Variants in SNRNP70 observed in about 807,000 individuals in gnomAD.
SNRNP70 encodes small nuclear ribonucleoprotein U1 subunit 70, also known as U1 small nuclear ribonucleoprotein 70 kDa.
Under a neutral mutation model 50.5 loss-of-function variants are expected in SNRNP70, and 8 were observed. That is an observed-to-expected ratio of 0.16 (90% confidence interval 0.09 to 0.29). SNRNP70 has a LOEUF of 0.29. Among genes scored for constraint, SNRNP70 ranks in the 10% least tolerant of loss-of-function variants. The pLI, the probability that SNRNP70 is intolerant of heterozygous loss-of-function variation, is 1.00. For synonymous variants in SNRNP70, 320 were observed against 252.9 expected (o/e 1.27, Z -2.52); for missense variants, 529 against 663.5 (o/e 0.80, Z 2.23).
chr19:49,099,997 C>A (rs1033303378), intron 6 of SNRNP70, among the ~76,000 whole-genome samples: 10 of 152,238 alleles, frequency 6.6e-5, no homozygotes, highest in Non-Finnish European at 1.3e-4. Flanking sequence ...AGCCCAGTGA[C>A]AACCTTGGCC....
Position 49,108,436 on chromosome 19 carries a change from C to G in SNRNP70, c.1307C>G (p.Pro436Arg). 1.9e-6 allele frequency: 3 copies of G among 1,601,004 alleles called. No homozygotes were observed. Among genetic ancestry groups the G allele is most frequent in the Non-Finnish European group, 1.7e-6 (2 of 1,174,380 alleles). ...AATGGGTATTTGATGGAGGCTGCGC[C>G]GGAGTGAAGAGGTCGTCCTCTCCAT... ...PENGYLMEAA[P>R]E Residue 436 changes from proline to arginine, a missense_variant, in exon 10 of 10, where the codon CCG (proline) becomes CGG (arginine). Pro to Arg is a moderately radical substitution (Grantham distance 103). Transcript: ENST00000598441.
At chr19:49,105,255 C>T (rs1482359158) in intron 8 of SNRNP70, among the ~76,000 whole-genome samples, 1 of 152,098 alleles carries the variant, frequency 6.6e-6, no homozygotes, top group Non-Finnish European at 1.5e-5. Flanking sequence ...CTCCTGCATT[C>T]GGTCTCCTCA....
intron 4 of SNRNP70, among the ~76,000 whole-genome samples, chr19:49,095,807 G>C (rs2040505671): frequency 6.6e-6 from 1 of 152,068 alleles, no homozygotes. Flanking sequence ...CATTACAGCT[G>C]TGAGCCACTG....
At position 49,104,523 on chromosome 19, in the gene SNRNP70, G is replaced by C; in HGVS notation, c.476-111G>C. 1 of 802,610 alleles carries C rather than the reference G, an allele frequency of 1.2e-6. No homozygotes were observed. Among genetic ancestry groups the C allele is most frequent in the Non-Finnish European group, 2.1e-6 (1 of 477,312 alleles). 49.7% of individuals were successfully genotyped at this position (802,610 alleles called of 1,614,324 possible). ...GCCTGGCTGTCTGTTGGGCGTGTGC[G>C]TGTGCGTGATGATGGGGACACGGGG... On this transcript the variant is annotated intron_variant, in intron 7 of 9. Transcript: ENST00000598441. This position sits in a 1 kb window ranked among gnomAD's most constrained non-coding sequence, Gnocchi z 5.4.
intron 6 of SNRNP70, among the ~76,000 whole-genome samples, chr19:49,099,912 G>A (rs1445086850): frequency 2.0e-5 from 3 of 151,788 alleles, no homozygotes; most frequent in South Asian, 2.1e-4. Context: ...GTGGTGTCTC[G>A]TGCCTGTGTG....
chr19:49,105,390 T>C (rs186817204), intron 8 of SNRNP70, among the ~76,000 whole-genome samples: 19 of 152,184 alleles, frequency 1.2e-4, no homozygotes, highest in Admixed American at 7.2e-4. Context: ...TTCGGAGGTA[T>C]GTGATGTCCG....
In SNRNP70 at chr19:49,101,431, C is replaced by T; in HGVS notation, c.435C>T (p.Gly145=). The T allele has an allele frequency of 6.2e-7, 1 of 1,614,036 alleles. No individual in the cohort carries two copies. The highest frequency in any genetic ancestry group is 8.5e-7 in the Non-Finnish European group (1 of 1,179,936). The change falls in exon 7 of 10, where the codon GGC becomes GGT. Residue 145 remains glycine (G), a synonymous_variant. Coordinates refer to ENST00000598441, the MANE Select transcript of SNRNP70 (RefSeq NM_003089.6). ...GTAAGCGGTCAGGAAAGCCCCGTGG[C>T]TATGCCTTCATCGAGTACGAACACG... ...VYSKRSGKPR[G]YAFIEYEHER... is the part of the protein sequence containing the mutation.
rs865955092 is a variant in SNRNP70 at position 49,104,991 on chromosome 19, T to C, written c.577+256T>C. Among the ~76,000 whole-genome samples the C allele has an allele frequency of 2.6e-5, 4 of 152,172 alleles. No homozygotes were observed. The highest frequency in any genetic ancestry group is 9.6e-5 in the African/African-American group (4 of 41,452). On this transcript the variant is annotated intron_variant, in intron 8 of 9. Transcript: ENST00000598441. The surrounding 1 kb of genome is among the most constrained non-coding windows in gnomAD (Gnocchi z 5.4). The stretch of plus-strand genomic sequence containing the variant: ...CATGCTGGCGTCCGCCCTTGCTAGC[T>C]GGGGGTCCCCTTTTCCTGCCTCATT...
chr19:49,104,466 G>T lies in SNRNP70; in HGVS notation c.476-168G>T. The T allele has an allele frequency of 1.6e-6, 1 of 619,938 alleles. No individual in the cohort carries two copies. The highest frequency in any genetic ancestry group is 2.9e-6 in the Non-Finnish European group (1 of 340,846). The allele number at this position is 619,938 out of a possible 1,614,324, so 38.4% of individuals were successfully genotyped here. A position where few individuals can be genotyped will look rare whatever the true frequency, so the allele number is the denominator to read the frequency against. ...GCTGAGATGGAGCAGGCCCTTCACC[G>T]GTTTGGGAGAGGGTTGGTCTGGCTG... On this transcript the variant is annotated intron_variant, in intron 7 of 9. Coordinates refer to ENST00000598441, the MANE Select transcript of SNRNP70 (RefSeq NM_003089.6). The surrounding 1 kb of genome is among the most constrained non-coding windows in gnomAD (Gnocchi z 5.4).
At position 49,108,200 on chromosome 19, in the gene SNRNP70, C is replaced by G; in HGVS notation, c.1071C>G (p.Ser357Arg). 1 of 1,533,866 alleles carries G rather than the reference C, an allele frequency of 6.5e-7. No individual in the cohort carries two copies. Among genetic ancestry groups the G allele is most frequent in the Non-Finnish European group, 8.8e-7 (1 of 1,139,508 alleles). Residue 357 changes from serine (S) to arginine (R), a missense_variant, in exon 10 of 10, where the codon AGC becomes AGG. By Grantham distance (110) the Ser-to-Arg change is moderately radical. Coordinates refer to ENST00000598441, the MANE Select transcript of SNRNP70 (RefSeq NM_003089.6). ...ATCGTGACCGGGAGCGACGGCGGAG[C>G]CACCGGAGCGAGCGCGAGCGGCGCC... is the stretch of plus-strand genomic sequence containing the variant. Reference protein sequence around the residue: ...GRDRDRERRRSHRSERERRRD... With the variant: ...GRDRDRERRRRHRSERERRRD...
rs757358926 is a variant in SNRNP70 at position 49,107,588 on chromosome 19, G to T, written c.578-37G>T. ...TTCTGCTCCTCCGGGCCCTGTCCCT[G>T]CCCAGATTCACCCTCTGTCCGTCTG... On this transcript the variant is annotated intron_variant, in intron 8 of 9. Coordinates refer to ENST00000598441, the MANE Select transcript of SNRNP70 (RefSeq NM_003089.6). The surrounding 1 kb of genome is among the most constrained non-coding windows in gnomAD (Gnocchi z 6.0). 3 of 1,600,218 alleles carry T rather than the reference G, an allele frequency of 1.9e-6. No homozygotes were observed. Among genetic ancestry groups the T allele is most frequent in the Non-Finnish European group, 2.6e-6 (3 of 1,167,626 alleles).
intron 4 of SNRNP70, among the ~76,000 whole-genome samples, chr19:49,091,545 T>C (rs919297872): frequency 2.0e-5 from 3 of 152,176 alleles, no homozygotes; most frequent in Non-Finnish European, 2.9e-5. Flanking sequence ...TTAGGTATGC[T>C]GTCTAGGCTC....
Position 49,107,662 on chromosome 19 carries a change from T to G in SNRNP70, c.615T>G (p.Asp205Glu). Residue 205 changes from aspartate (D) to glutamate (E), a missense_variant, in exon 9 of 10, where the codon GAT becomes GAG. Transcript: ENST00000598441. This position sits in a 1 kb window ranked among gnomAD's most constrained non-coding sequence, Gnocchi z 6.0. ...GTGGTACCAGAAGAGGAGGGGCTGA[T>G]GTGAACATCCGGCATTCAGGCCGCG... ...GLGGTRRGGA[D>E]VNIRHSGRDD... is the part of the protein sequence containing the mutation. 1 of 1,614,054 alleles carries G rather than the reference T, an allele frequency of 6.2e-7. No homozygotes were observed. The highest frequency in any genetic ancestry group is 8.5e-7 in the Non-Finnish European group (1 of 1,179,974).
Position 49,108,292 on chromosome 19 carries a change from G to T in SNRNP70, c.1163G>T (p.Gly388Val), listed in dbSNP as rs764489997. The change falls in exon 10 of 10, where the codon GGC becomes GTC. Residue 388 changes from glycine to valine, a missense_variant. Physicochemically the swap from Gly to Val is moderately radical, Grantham distance 109. Transcript: ENST00000598441. ...HKRGERGSER[G>V]RDEARGGGGG... Reference sequence around the variant, plus strand: ...CGGGGGGAGCGGGGCAGTGAGCGGGGCAGGGATGAGGCCCGAGGTGGGGGC... The same window carrying T: ...CGGGGGGAGCGGGGCAGTGAGCGGGTCAGGGATGAGGCCCGAGGTGGGGGC... 2.3e-5 allele frequency: 36 copies of T among 1,575,538 alleles called. No individual in the cohort carries two copies. Among genetic ancestry groups the T allele is most frequent in the Admixed American group, 7.4e-5 (4 of 53,970 alleles).
chr19:49,090,339 C>T lies in SNRNP70; in HGVS notation c.196C>T (p.Arg66Cys). The change falls in exon 3 of 10, where the codon CGC becomes TGC. Residue 66 changes from arginine (R) to cysteine (C), a missense_variant. Arg to Cys is a radical substitution (Grantham distance 180). Around this residue, in one of 4 missense-constraint regions of SNRNP70, gnomAD observed 149 missense variants for 259.7 expected, o/e 0.57. Coordinates refer to ENST00000598441, the MANE Select transcript of SNRNP70 (RefSeq NM_003089.6). Reference protein sequence around the residue: ...PPTRAETREERMERKRREKIE... With the variant: ...PPTRAETREECMERKRREKIE... The stretch of plus-strand genomic sequence containing the variant: ...AACTCGTGCTGAAACCCGAGAGGAG[C>T]GCATGGAGAGGAAAGTATGTCATTT... The T allele has an allele frequency of 6.2e-7, 1 of 1,613,998 alleles. No homozygotes were observed. Among genetic ancestry groups the T allele is most frequent in the Non-Finnish European group, 8.5e-7 (1 of 1,179,976 alleles).
intron 4 of SNRNP70, among the ~76,000 whole-genome samples, chr19:49,098,109 G>A (rs751350175): frequency 2.6e-5 from 4 of 152,178 alleles, no homozygotes; most frequent in Non-Finnish European, 2.9e-5. Flanking sequence ...ATCTGGGAGC[G>A]ATAGGGCCCT....
intron 4 of SNRNP70, 96 bp downstream of exon 4, chr19:49,090,616 G>C (rs2040436190): frequency 1.7e-6 from 2 of 1,150,840 alleles, no homozygotes; most frequent in Non-Finnish European, 1.3e-6. Context: ...CCTAAGGCCT[G>C]TGTTGTGGGG....
intron 4 of SNRNP70, among the ~76,000 whole-genome samples, chr19:49,094,945 C>T (rs977187279): frequency 3.3e-5 from 5 of 152,214 alleles, no homozygotes; most frequent in African/African-American, 7.2e-5. Flanking sequence ...GACCCACTTC[C>T]GTTGAGTCTC....
At chr19:49,095,249 C>A (rs948375983) in intron 4 of SNRNP70, among the ~76,000 whole-genome samples, 6 of 152,258 alleles carry the variant, frequency 3.9e-5, no homozygotes, top group African/African-American at 1.4e-4. Flanking sequence ...TCAGGAAGCT[C>A]AGCTGTTGTT....
Sources: gnomAD v4.1 joint callset for allele counts (sites outside exome capture counted in the v4.1 genomes callset) on GRCh38, gnomAD v4.1.1 for gene constraint, gnomAD v4.1.1 regional missense constraint, Gnocchi (gnomAD v3.1) non-coding constraint, MANE v1.5 for transcripts, NCBI Gene and HGNC (gene_info 2026-07-23, HGNC 2026-07-21) for gene names.